STXBP6: variants seen among roughly 807,000 people sequenced by gnomAD.
STXBP6 encodes the protein syntaxin binding protein 6.
STXBP6 carries 21 observed loss-of-function variants against 26.9 expected under a neutral mutation model. The observed-to-expected ratio is 0.78, with a 90% CI of 0.55 to 1.12. STXBP6 has a LOEUF of 1.12. Ranked by LOEUF, STXBP6 falls within the 50% of genes most tolerant of loss-of-function variation. The probability of loss-of-function intolerance (pLI) is 0.00; values close to 1 mark genes in which losing one functional copy is unlikely to be tolerated. For missense variants in STXBP6, 232 were observed against 257.9 expected (o/e 0.90, Z 0.69); for synonymous variants, 97 against 92.6 (o/e 1.05, Z -0.27).
chr14:24,900,616 A>G (rs2071176689), intron 2 of STXBP6, among the ~76,000 whole-genome samples: 1 of 152,184 alleles, frequency 6.6e-6, no homozygotes, highest in Non-Finnish European at 1.5e-5. Flanking sequence ...AGTTCTACAA[A>G]ATTATTCCCC....
intron 4 of STXBP6, among the ~76,000 whole-genome samples, chr14:24,846,686 A>G (rs1279495136): frequency 1.3e-5 from 2 of 152,198 alleles, no homozygotes; most frequent in East Asian, 3.8e-4. Flanking sequence ...CTAATGCTCT[A>G]ACTTCTTGCA....
chr14:24,839,116 G>T (rs2068712288), intron 4 of STXBP6, among the ~76,000 whole-genome samples: 1 of 152,184 alleles, frequency 6.6e-6, no homozygotes, highest in Non-Finnish European at 1.5e-5. Context: ...TTCTGTGATT[G>T]TGAGTGAAAG....
At chr14:24,976,739 C>T (rs1282387134) in intron 1 of STXBP6, among the ~76,000 whole-genome samples, 1 of 151,854 alleles carries the variant, frequency 6.6e-6, no homozygotes, top group African/African-American at 2.4e-5. Context: ...AGGCCACTTG[C>T]CTCTCACTAT....
intron 1 of STXBP6, among the ~76,000 whole-genome samples, chr14:25,008,437 G>A (rs1255366946): frequency 6.6e-6 from 1 of 152,090 alleles, no homozygotes; most frequent in Non-Finnish European, 1.5e-5. Flanking sequence ...TGAGCCATGA[G>A]CACACCACTG....
At chr14:24,927,392 C>T (rs1011325708) in intron 2 of STXBP6, among the ~76,000 whole-genome samples, 8 of 152,152 alleles carry the variant, frequency 5.3e-5, no homozygotes, top group African/African-American at 7.2e-5. Context: ...GCTGTGTTGA[C>T]GCCTTTCTAA....
intron 4 of STXBP6, among the ~76,000 whole-genome samples, chr14:24,822,371 CA>C (rs1257075644): frequency 2.0e-5 from 3 of 152,152 alleles, no homozygotes; most frequent in Non-Finnish European, 2.9e-5. Flanking sequence ...CAATCTTTAC[CA>C]CATCTATGAT....
chr14:24,932,983 A>G (rs1332397189), intron 2 of STXBP6, among the ~76,000 whole-genome samples: 2 of 152,244 alleles, frequency 1.3e-5, no homozygotes, highest in Non-Finnish European at 2.9e-5. Context: ...AAAGCAGTAG[A>G]AAGGGGTCCA....
chr14:24,975,816 T>A (rs1307785419), intron 1 of STXBP6, among the ~76,000 whole-genome samples: 1 of 152,232 alleles, frequency 6.6e-6, no homozygotes, highest in Non-Finnish European at 1.5e-5. Flanking sequence ...ATTAAGCCTG[T>A]CATCCAAAAA....
chr14:24,923,742 C>T (rs990562277), intron 2 of STXBP6, among the ~76,000 whole-genome samples: 3 of 152,158 alleles, frequency 2.0e-5, no homozygotes, highest in Non-Finnish European at 4.4e-5. Context: ...CTTCTTTGAG[C>T]TACCTGCCCC....
chr14:24,904,351 G>A (rs2071315902), intron 2 of STXBP6, among the ~76,000 whole-genome samples: 2 of 152,134 alleles, frequency 1.3e-5, no homozygotes, highest in Admixed American at 6.5e-5. Flanking sequence ...AATATATTAG[G>A]TTGGTGCAAA....
intron 5 of STXBP6, among the ~76,000 whole-genome samples, chr14:24,814,656 T>C (rs1013762945): frequency 1.3e-5 from 2 of 152,246 alleles, no homozygotes; most frequent in Admixed American, 6.5e-5. Flanking sequence ...TATTTGAGTA[T>C]TGGCATGGTC....
At chr14:24,878,893 T>C (rs1351643073) in intron 2 of STXBP6, 1 of 376,258 alleles carries the variant, frequency 2.7e-6, no homozygotes, top group Admixed American at 2.7e-5. Context: ...GAAACAGAAC[T>C]GTGAACTATA....
intron 1 of STXBP6, among the ~76,000 whole-genome samples, chr14:24,988,788 C>G (rs1462254995): frequency 6.6e-6 from 1 of 152,124 alleles, no homozygotes; most frequent in Admixed American, 6.5e-5. Flanking sequence ...GAACCTGAAC[C>G]CTTGTAGAAG....
At chr14:24,842,610 C>T (rs958865108) in intron 4 of STXBP6, among the ~76,000 whole-genome samples, 1 of 152,030 alleles carries the variant, frequency 6.6e-6, no homozygotes, top group South Asian at 2.1e-4. Context: ...TTTTTATCAA[C>T]ACAAGAATCC....
chr14:24,896,766 A>G (rs978456305), intron 2 of STXBP6, among the ~76,000 whole-genome samples: 6 of 152,206 alleles, frequency 3.9e-5, no homozygotes, highest in African/African-American at 1.4e-4. Context: ...GCAGAAAAAA[A>G]GCTGGGCTAG....
intron 1 of STXBP6, among the ~76,000 whole-genome samples, chr14:25,040,496 G>C (rs2075625650): frequency 6.6e-6 from 1 of 152,228 alleles, no homozygotes; most frequent in Non-Finnish European, 1.5e-5. Flanking sequence ...ACCTACCTCT[G>C]AGAGTGTGTT....
At chr14:24,868,206 AAAC>A (rs1169400855) in intron 2 of STXBP6, among the ~76,000 whole-genome samples, 24 of 152,206 alleles carry the variant, frequency 1.6e-4, no homozygotes, top group African/African-American at 5.3e-4. Context: ...TTGAAAACAC[AAAC>A]AACAACAAAA....
chr14:24,884,437 C>T (rs1178835379), intron 2 of STXBP6, among the ~76,000 whole-genome samples: 1 of 152,146 alleles, frequency 6.6e-6, no homozygotes, highest in Non-Finnish European at 1.5e-5. Context: ...TACAATGACA[C>T]AATAAAGGAA....
At chr14:24,904,318 C>G (rs912936353) in intron 2 of STXBP6, among the ~76,000 whole-genome samples, 6 of 152,162 alleles carry the variant, frequency 3.9e-5, no homozygotes, top group Non-Finnish European at 8.8e-5. Flanking sequence ...ACCCCATCTA[C>G]GTTGACAGGG....
Sources: gnomAD v4.1 joint callset for allele counts (sites outside exome capture counted in the v4.1 genomes callset) on GRCh38, gnomAD v4.1.1 for gene constraint, MANE v1.5 for transcripts, NCBI Gene and HGNC (gene_info 2026-07-23, HGNC 2026-07-21) for gene names.